Variants in ANKRD22 observed in about 807,000 individuals in gnomAD.
The protein encoded by ANKRD22 is ankyrin repeat domain 22, also known as ankyrin repeat domain-containing protein 22.
Under a neutral mutation model 25.7 loss-of-function variants are expected in ANKRD22, and 24 were observed. That is an observed-to-expected ratio of 0.93 (90% confidence interval 0.68 to 1.31). ANKRD22 has a LOEUF of 1.31. ANKRD22 is among the 50% of genes most tolerant of loss of function. The pLI, the probability that ANKRD22 is intolerant of heterozygous loss-of-function variation, is 0.00. For missense variants in ANKRD22, 214 were observed against 227.1 expected (o/e 0.94, Z 0.37); for synonymous variants, 84 against 84.3 (o/e 1.00, Z 0.02).
intron 1 of ANKRD22, among the ~76,000 whole-genome samples, chr10:88,839,857 G>A (rs1300263546): frequency 6.6e-6 from 1 of 152,150 alleles, no homozygotes; most frequent in African/African-American, 2.4e-5. Flanking sequence ...AATCATGTTT[G>A]CACCAACTTA....
Position 88,823,325 on chromosome 10 carries a change from G to A in ANKRD22, c.453C>T (p.Ile151=). The change falls in exon 5 of 6, where the codon ATC becomes ATT. Residue 151 remains isoleucine, a synonymous_variant. Coordinates refer to ENST00000371930, the MANE Select transcript of ANKRD22 (RefSeq NM_144590.3). ...CTGCACGGGCTTCCAAGAGCAGAGG[G>A]ATAAGAGACTGGTTTTTCATTTCAC... The part of the protein sequence containing the change: ...YACEMKNQSL[I]PLLLEARADP... The A allele has an allele frequency of 1.2e-6, 2 of 1,614,072 alleles. No individual in the cohort carries two copies. Among genetic ancestry groups the A allele is most frequent in the Non-Finnish European group, 1.7e-6 (2 of 1,179,978 alleles).
intron 1 of ANKRD22, among the ~76,000 whole-genome samples, chr10:88,836,816 G>A (rs998909612): frequency 6.6e-6 from 1 of 152,030 alleles, no homozygotes; most frequent in Admixed American, 6.5e-5. Context: ...AGAGTCTGCA[G>A]AAGAAACAGA....
intron 1 of ANKRD22, among the ~76,000 whole-genome samples, chr10:88,837,021 G>C (rs983126931): frequency 6.6e-6 from 1 of 152,188 alleles, no homozygotes; most frequent in Admixed American, 6.5e-5. Context: ...AGTCAGTTTG[G>C]CAGTGAAAAA....
At position 88,828,659 on chromosome 10, in the gene ANKRD22, C is replaced by A; in HGVS notation, c.221G>T (p.Arg74Ile). Residue 74 changes from arginine to isoleucine, a missense_variant, in exon 3 of 6, where the codon AGA becomes ATA. Coordinates refer to ENST00000371930, the MANE Select transcript of ANKRD22 (RefSeq NM_144590.3). ...ANVNLKNQKE[R>I]TCLHYAVKKK... is the part of the protein sequence containing the mutation. ...CTTCACAGCATAATGCAAGCAGGTT[C>A]TCTCTTTCTAAAAATTAAGAAAAGG... The A allele has an allele frequency of 6.3e-7, 1 of 1,582,248 alleles. No homozygotes were observed.
rs544852081 is a variant in ANKRD22 at position 88,831,184 on chromosome 10, T to C, written c.213+651A>G. On this transcript the variant is annotated intron_variant, in intron 2 of 5. Coordinates refer to ENST00000371930, the MANE Select transcript of ANKRD22 (RefSeq NM_144590.3). ...AATTTAAATATTGCCTTCACTACGATGCAAATGCTAGATGTTCAGAAAGGG... is the reference window on the plus strand; with the variant it reads ...AATTTAAATATTGCCTTCACTACGACGCAAATGCTAGATGTTCAGAAAGGG... 2.0e-5 allele frequency among the ~76,000 whole-genome samples: 3 copies of C among 152,346 alleles called. No individual in the cohort carries two copies. In the South Asian group the frequency reaches 6.2e-4, roughly 32 times the overall value.
chr10:88,823,061 A>T, intron 5 of ANKRD22, 43 bp from the exon 6 acceptor site: 1 of 1,575,090 alleles, frequency 6.3e-7, no homozygotes, highest in Non-Finnish European at 8.7e-7. Context: ...TAGAGTGCCC[A>T]AGATCTCGTA....
At chr10:88,849,962 T>C (rs576285688) in intron 1 of ANKRD22, among the ~76,000 whole-genome samples, 1 of 151,914 alleles carries the variant, frequency 6.6e-6, no homozygotes, top group South Asian at 2.1e-4. Flanking sequence ...GATAACCCTA[T>C]GTCCCCAATC....
chr10:88,834,722 G>A (rs1333757395), intron 1 of ANKRD22, among the ~76,000 whole-genome samples: 2 of 152,136 alleles, frequency 1.3e-5, no homozygotes, highest in East Asian at 1.9e-4. Context: ...ATCACCTGAG[G>A]TCAGGAGTTC....
intron 1 of ANKRD22, among the ~76,000 whole-genome samples, chr10:88,832,292 T>C (rs1843911874): frequency 6.6e-6 from 1 of 152,114 alleles, no homozygotes; most frequent in Admixed American, 6.5e-5. Flanking sequence ...AATGAAATAC[T>C]ACAAATTCAA....
Position 88,844,270 on chromosome 10 carries a change from T to C in ANKRD22, c.21+7317A>G, listed in dbSNP as rs890740987. 2.6e-5 allele frequency among the ~76,000 whole-genome samples: 4 copies of C among 151,912 alleles called. No homozygotes were observed. In the East Asian group the frequency reaches 7.7e-4, roughly 29 times the overall value. ...CATGAGCAAGGGGAGTGGCGGGAAA[T>C]TTGGGAAGCAAATGGGACCAAGGAA... On this transcript the variant is annotated intron_variant, in intron 1 of 5. Transcript: ENST00000371930.
At chr10:88,840,297 T>A (rs1265573169) in intron 1 of ANKRD22, among the ~76,000 whole-genome samples, 1 of 152,200 alleles carries the variant, frequency 6.6e-6, no homozygotes, top group Admixed American at 6.5e-5. Flanking sequence ...ATAATCAGCA[T>A]GTTGATGATT....
chr10:88,823,585 T>G (rs533769649), intron 4 of ANKRD22: 10 of 460,842 alleles, frequency 2.2e-5, no homozygotes, highest in Non-Finnish European at 4.0e-5. Flanking sequence ...CCCAGCACTT[T>G]GGGAGGCCGA....
rs10788615 is a variant in ANKRD22, at chr10:88,820,387, C to T, written c.*2554G>A. On this transcript the variant is annotated 3_prime_UTR_variant, in exon 6 of 6. Coordinates refer to ENST00000371930, the MANE Select transcript of ANKRD22 (RefSeq NM_144590.3). ...ATAAGAATATTCCTGAATGGGCTCA[C>T]GTGGATTTCATCTGGGGTTTGGATG... is the stretch of plus-strand genomic sequence containing the variant. 484,063 of 1,551,796 alleles carry T rather than the reference C, an allele frequency of 0.31. 78,626 individuals carry two copies. The highest frequency in any genetic ancestry group is 0.43 in the East Asian group (17,746 of 40,904).
chr10:88,825,706 C>T (rs1441099274), intron 4 of ANKRD22, among the ~76,000 whole-genome samples: 1 of 152,192 alleles, frequency 6.6e-6, no homozygotes, highest in African/African-American at 2.4e-5. Flanking sequence ...GTGGCAAGCC[C>T]AGAGTTTACT....
intron 1 of ANKRD22, among the ~76,000 whole-genome samples, chr10:88,844,570 C>A (rs1009242944): frequency 1.3e-5 from 2 of 152,090 alleles, no homozygotes; most frequent in Admixed American, 1.3e-4. Context: ...GTATCAAGAG[C>A]TGTTTCTATA....
chr10:88,838,128 G>A (rs538914476), intron 1 of ANKRD22, among the ~76,000 whole-genome samples: 120 of 152,248 alleles, frequency 7.9e-4, no homozygotes, highest in African/African-American at 2.3e-3. Flanking sequence ...TTGGACCATC[G>A]TAATTAAAAC....
intron 2 of ANKRD22, among the ~76,000 whole-genome samples, chr10:88,830,548 A>G (rs987680334): frequency 7.9e-5 from 12 of 152,246 alleles, no homozygotes. Flanking sequence ...GAGAAAATAA[A>G]AATATTAAAT....
intron 3 of ANKRD22, among the ~76,000 whole-genome samples, chr10:88,827,479 A>G (rs969737004): frequency 3.3e-5 from 5 of 152,186 alleles, no homozygotes. Context: ...TACCTTTAGA[A>G]TCTCTAAAAA....
intron 1 of ANKRD22, among the ~76,000 whole-genome samples, chr10:88,847,167 C>T (rs1264626135): frequency 6.6e-6 from 1 of 152,078 alleles, no homozygotes; most frequent in Non-Finnish European, 1.5e-5. Flanking sequence ...TGTTTTTTTA[C>T]ATTTTTCATT....
Sources: gnomAD v4.1 joint callset for allele counts (sites outside exome capture counted in the v4.1 genomes callset) on GRCh38, gnomAD v4.1.1 for gene constraint, MANE v1.5 for transcripts, NCBI Gene and HGNC (gene_info 2026-07-23, HGNC 2026-07-21) for gene names.